The following WDPCP variants were observed in gnomAD, a reference collection of about 807,000 sequenced individuals.
WDPCP encodes WD repeat containing planar cell polarity effector, also known as WD repeat-containing and planar cell polarity effector protein fritz homolog.
A neutral mutation model predicts 93.1 loss-of-function variants in WDPCP; 71 were observed. The observed-to-expected ratio is 0.76, with a 90% CI of 0.63 to 0.93. The LOEUF is 0.93. WDPCP is among the 40% of genes least tolerant of loss of function. WDPCP has a pLI of 0.00. For missense variants in WDPCP, 844 were observed against 887.4 expected, an observed-to-expected ratio of 0.95 and a Z score of 0.62; for synonymous variants, 315 against 315.0, an observed-to-expected ratio of 1.00 and a Z score of 0.00.
At chr2:63,622,442 G>A (rs1377402998) in intron 3 of WDPCP, 26 of 1,613,834 alleles carry the variant, frequency 1.6e-5, no homozygotes, top group Non-Finnish European at 2.0e-5. Flanking sequence ...AGGAGACCCA[G>A]GCTTCCCGGC....
chr2:63,261,003 T>A (rs1019060268), intron 13 of WDPCP, among the ~76,000 whole-genome samples: 6 of 152,190 alleles, frequency 3.9e-5, no homozygotes, highest in Non-Finnish European at 8.8e-5. Flanking sequence ...CTGAGTGGCT[T>A]TGAAATTAGC....
intron 2 of WDPCP, among the ~76,000 whole-genome samples, chr2:63,795,817 T>C (rs983948024): frequency 6.6e-6 from 1 of 152,236 alleles, no homozygotes; most frequent in African/African-American, 2.4e-5. Flanking sequence ...GAAACTTTAC[T>C]AACCATGTAT....
At chr2:63,803,612 A>G (rs1315927424) in intron 2 of WDPCP, among the ~76,000 whole-genome samples, 1 of 152,166 alleles carries the variant, frequency 6.6e-6, no homozygotes, top group Non-Finnish European at 1.5e-5. Context: ...TAGGAATTAT[A>G]TAAAAATATA....
At chr2:63,757,658 T>TG (rs910306729) in intron 2 of WDPCP, among the ~76,000 whole-genome samples, 1 of 152,204 alleles carries the variant, frequency 6.6e-6, no homozygotes, top group African/African-American at 2.4e-5. Flanking sequence ...CTAGTTCTTC[T>TG]GGGGATATGA....
chr2:63,811,460 G>A (rs1670861382), intron 2 of WDPCP, among the ~76,000 whole-genome samples: 1 of 152,146 alleles, frequency 6.6e-6, no homozygotes, highest in African/African-American at 2.4e-5. Context: ...GCATCCTCCA[G>A]CCAATAGCCA....
chr2:63,539,309 C>A (rs1704537234), intron 1 of WDPCP, among the ~76,000 whole-genome samples: 1 of 152,088 alleles, frequency 6.6e-6, no homozygotes. Context: ...ACAGATATTA[C>A]AAGGTGAAAG....
intron 2 of WDPCP, among the ~76,000 whole-genome samples, chr2:63,722,816 G>A (rs961376820): frequency 6.6e-6 from 1 of 152,122 alleles, no homozygotes; most frequent in Non-Finnish European, 1.5e-5. Flanking sequence ...GGGCCAGGAT[G>A]ACAATGGCGG....
At chr2:63,417,688 A>G (rs567816974) in intron 9 of WDPCP, among the ~76,000 whole-genome samples, 1 of 149,880 alleles carries the variant, frequency 6.7e-6, no homozygotes, top group East Asian at 1.9e-4. Flanking sequence ...CCTTGGTGCA[A>G]AAGTTTAAGT....
intron 14 of WDPCP, among the ~76,000 whole-genome samples, chr2:63,198,826 T>C (rs765595489): frequency 2.6e-5 from 4 of 152,142 alleles, no homozygotes; most frequent in African/African-American, 4.8e-5. Context: ...GAAGCAACTT[T>C]GGAACTGGGT....
rs10200556 is a variant in WDPCP, at chr2:63,622,877, C to T, written n.488+27782G>A. ...CAGCACCCGCGCAGCATCAGGGGTG[C>T]GGAGCCTGGGAGGCACGCGGGGGCC... On this transcript the variant is annotated intron_variant and non_coding_transcript_variant, in intron 3 of 4. Coordinates refer to the WDPCP transcript ENST00000467687. 21,092 of 1,529,802 alleles carry T rather than the reference C, an allele frequency of 0.014. 1,386 individuals are homozygous for T. In the African/African-American group the frequency reaches 0.19, roughly 14 times the overall value. 94.8% of individuals were successfully genotyped at this position (1,529,802 alleles called of 1,614,324 possible). A position where few individuals can be genotyped will look rare whatever the true frequency, so the allele number is the denominator to read the frequency against.
chr2:63,361,082 A>G (rs1189429757), intron 12 of WDPCP, among the ~76,000 whole-genome samples: 5 of 152,222 alleles, frequency 3.3e-5, no homozygotes, highest in Non-Finnish European at 7.3e-5. Context: ...TCGTGACAAG[A>G]TAAGATGGAA....
intron 14 of WDPCP, among the ~76,000 whole-genome samples, chr2:63,185,579 G>T (rs1674569204): frequency 6.6e-6 from 1 of 152,180 alleles, no homozygotes; most frequent in African/African-American, 2.4e-5. Context: ...AGGCAGGTGA[G>T]CAGGCGCATG....
At chr2:63,590,919 T>C (rs950631249), upstream of WDPCP, 2 of 152,252 alleles carry the variant, frequency 1.3e-5, no homozygotes, top group East Asian at 1.9e-4. Context: ...CTTTGCTTGT[T>C]GTCTGTAGGG....
chr2:63,283,811 CA>C (rs1392949697), intron 13 of WDPCP, among the ~76,000 whole-genome samples: 1 of 152,160 alleles, frequency 6.6e-6, no homozygotes, highest in Non-Finnish European at 1.5e-5. Context: ...AGTGCTAGGG[CA>C]GTGCTGTATA....
At chr2:63,483,613 T>C (rs79907443) in intron 6 of WDPCP, among the ~76,000 whole-genome samples, 7,006 of 151,944 alleles carry the variant, frequency 0.046, 192 homozygotes, top group South Asian at 0.071. Flanking sequence ...TGCTACAAAT[T>C]TGACGTTGTA....
chr2:63,769,772 A>G (rs1269111913), intron 2 of WDPCP, among the ~76,000 whole-genome samples: 1 of 151,976 alleles, frequency 6.6e-6, no homozygotes, highest in Non-Finnish European at 1.5e-5. Flanking sequence ...AACTGTAGGT[A>G]TATCATAATT....
chr2:63,282,066 A>G (rs1238286884), intron 13 of WDPCP, among the ~76,000 whole-genome samples: 1 of 152,230 alleles, frequency 6.6e-6, no homozygotes, highest in Non-Finnish European at 1.5e-5. Context: ...TCTTCACAGA[A>G]ATAGATAAAA....
At chr2:63,175,203 TGAAAA>T (rs748629270) in intron 14 of WDPCP, among the ~76,000 whole-genome samples, 27 of 152,134 alleles carry the variant, frequency 1.8e-4, no homozygotes, top group African/African-American at 5.5e-4. Flanking sequence ...GCACATAACT[TGAAAA>T]GAAAAGGAAA....
chr2:63,193,891 T>A (rs1675224062), intron 14 of WDPCP, among the ~76,000 whole-genome samples: 1 of 152,126 alleles, frequency 6.6e-6, no homozygotes, highest in Non-Finnish European at 1.5e-5. Flanking sequence ...AAATTTTGAG[T>A]TAATGGAAGA....
Sources: gnomAD v4.1 joint callset for allele counts (sites outside exome capture counted in the v4.1 genomes callset) on GRCh38, gnomAD v4.1.1 for gene constraint, MANE v1.5 for transcripts, NCBI Gene and HGNC (gene_info 2026-07-23, HGNC 2026-07-21) for gene names.